The following ZNF527 variants were observed in gnomAD, a reference collection of about 807,000 sequenced individuals.
ZNF527 encodes the protein zinc finger protein 527.
Under a neutral mutation model 13.5 loss-of-function variants are expected in ZNF527, and 5 were observed. The ratio of observed to expected loss-of-function variants is 0.37; its 90% confidence interval spans 0.19 to 0.78. ZNF527 has a LOEUF of 0.78. Ranked by LOEUF, ZNF527 falls within the 30% of genes least tolerant of loss-of-function variation. The pLI, the probability that ZNF527 is intolerant of heterozygous loss-of-function variation, is 0.48. For missense variants in ZNF527, 628 were observed against 726.4 expected, an observed-to-expected ratio of 0.86 and a Z score of 1.56; for synonymous variants, 209 against 243.1, an observed-to-expected ratio of 0.86 and a Z score of 1.30.
intron 4 of ZNF527, among the ~76,000 whole-genome samples, chr19:37,383,917 G>T (rs1347505382): frequency 6.6e-6 from 1 of 152,058 alleles, no homozygotes; most frequent in Non-Finnish European, 1.5e-5. Flanking sequence ...AAACCAATCT[G>T]ATTTTCTTTT....
Position 37,388,877 on chromosome 19 carries a change from C to T in ZNF527, c.828C>T (p.Tyr276=), listed in dbSNP as rs747104874. Residue 276 remains tyrosine, a synonymous_variant, in exon 5 of 5, where the codon TAC becomes TAT. Transcript: ENST00000436120. ...TTHFGKLPHG[Y]DECGDAFSCY... ...ATTTTGGAAAATTACCCCATGGATA[C>T]GATGAATGTGGTGATGCCTTTAGCT... 1.7e-5 allele frequency: 28 copies of T among 1,614,026 alleles called. No homozygotes were observed. Among genetic ancestry groups the T allele is most frequent in the Admixed American group, 1.2e-4 (7 of 60,004 alleles).
chr19:37,391,616 T>C lies in ZNF527; in HGVS notation c.*1737T>C, dbSNP rs1018259251. 2.6e-5 allele frequency: 4 copies of C among 150,972 alleles called. No individual in the cohort carries two copies. The highest frequency in any genetic ancestry group is 4.4e-5 in the Non-Finnish European group (3 of 67,714). The allele number at this position is 150,972 out of a possible 1,614,324, so 9.4% of individuals were successfully genotyped here. A position where few individuals can be genotyped will look rare whatever the true frequency, so the allele number is the denominator to read the frequency against. ...ATAAATAAATAAATAAATAAATAAA[T>C]TTGGTTTAAGAAGTGTATGGATAAC... On this transcript the variant is annotated 3_prime_UTR_variant, in exon 5 of 5. Coordinates refer to ENST00000436120, the MANE Select transcript of ZNF527 (RefSeq NM_032453.2).
chr19:37,371,355 C>A (rs2040554642), intron 1 of ZNF527, 129 bp downstream of exon 1: 1 of 152,310 alleles, frequency 6.6e-6, no homozygotes, highest in Non-Finnish European at 1.5e-5. Flanking sequence ...GTATTACCAA[C>A]TATGTGACAG....
chr19:37,372,696 T>C (rs1285252863), intron 1 of ZNF527, among the ~76,000 whole-genome samples: 3 of 151,780 alleles, frequency 2.0e-5, no homozygotes, highest in Non-Finnish European at 4.4e-5. Context: ...TGGTCTTGAA[T>C]TCCTAGTCTC....
intron 4 of ZNF527, among the ~76,000 whole-genome samples, chr19:37,386,140 C>T (rs138933051): frequency 1.0e-3 from 75 of 72,450 alleles, no homozygotes; most frequent in African/African-American, 3.1e-3. Context: ...TCTTCTTTTC[C>T]TTTTTTTTTT....
At chr19:37,383,071 T>C (rs564268469) in intron 4 of ZNF527, among the ~76,000 whole-genome samples, 6 of 152,324 alleles carry the variant, frequency 3.9e-5, no homozygotes, top group African/African-American at 1.4e-4. Context: ...GCTTAGTTTT[T>C]TTCCTGCTGT....
chr19:37,385,401 T>C (rs1254199985), intron 4 of ZNF527: 1 of 398,758 alleles, frequency 2.5e-6, no homozygotes, highest in African/African-American at 2.1e-5. Flanking sequence ...TCTCTTGATA[T>C]TTTTTTCATG....
rs2040721753 is a variant in ZNF527 at position 37,388,724 on chromosome 19, A to G, written c.675A>G (p.Glu225=). ...AATCTTTGATAGGTAATGAATGTGA[A>G]GAATTCAACCAGAGTACGTACCTTA... ...EKESLIGNEC[E]EFNQSTYLSK... Residue 225 remains glutamate (E), a synonymous_variant, in exon 5 of 5, where the codon GAA becomes GAG. Transcript: ENST00000436120. The G allele has an allele frequency of 1.2e-6, 2 of 1,612,270 alleles. No individual in the cohort carries two copies. Among genetic ancestry groups the G allele is most frequent in the Non-Finnish European group, 8.5e-7 (1 of 1,179,532 alleles).
intron 2 of ZNF527, among the ~76,000 whole-genome samples, chr19:37,374,665 G>A (rs2146804044): frequency 6.6e-6 from 1 of 152,328 alleles, no homozygotes; most frequent in African/African-American, 2.4e-5. Flanking sequence ...CATGTTTGGT[G>A]TATTCCAGGA....
At chr19:37,382,008 C>T (rs1466534293) in intron 4 of ZNF527, among the ~76,000 whole-genome samples, 1 of 151,924 alleles carries the variant, frequency 6.6e-6, no homozygotes, top group East Asian at 1.9e-4. Flanking sequence ...CAAATCGTTC[C>T]AGCTTTGAAT....
In ZNF527 at chr19:37,389,272, A is replaced by T; in HGVS notation, c.1223A>T (p.His408Leu). The T allele has an allele frequency of 6.2e-7, 1 of 1,614,228 alleles. No individual in the cohort carries two copies. Among genetic ancestry groups the T allele is most frequent in the Non-Finnish European group, 8.5e-7 (1 of 1,180,044 alleles). ...SAHLNQHQRI[H>L]TGEKPYECNQ... Reference sequence around the variant, plus strand: ...CACCTTAATCAACATCAGAGGATTCACACTGGAGAGAAACCCTATGAATGT... The same window carrying T: ...CACCTTAATCAACATCAGAGGATTCTCACTGGAGAGAAACCCTATGAATGT... The change falls in exon 5 of 5, where the codon CAC becomes CTC. Residue 408 changes from histidine to leucine, a missense_variant. Coordinates refer to ENST00000436120, the MANE Select transcript of ZNF527 (RefSeq NM_032453.2).
chr19:37,385,502 G>A, intron 4 of ZNF527: 1 of 395,884 alleles, frequency 2.5e-6, no homozygotes, highest in Non-Finnish European at 4.4e-6. Flanking sequence ...TAAAATGCAA[G>A]GGCTTAGGTC....
chr19:37,372,107 C>T (rs2146801180), intron 1 of ZNF527, among the ~76,000 whole-genome samples: 1 of 150,800 alleles, frequency 6.6e-6, no homozygotes, highest in Non-Finnish European at 1.5e-5. Context: ...TCAAGTGATT[C>T]TCCTGCCTCA....
chr19:37,387,440 G>A (rs966409883), intron 4 of ZNF527, among the ~76,000 whole-genome samples: 2 of 152,104 alleles, frequency 1.3e-5, no homozygotes, highest in African/African-American at 2.4e-5. Context: ...GCACAGGCTT[G>A]AGCTCTCAGA....
intron 4 of ZNF527, among the ~76,000 whole-genome samples, chr19:37,381,968 G>T (rs1222722122): frequency 2.0e-5 from 3 of 151,876 alleles, no homozygotes; most frequent in Non-Finnish European, 2.9e-5. Context: ...TTATTTCTAT[G>T]AAGTAAATCC....
intron 3 of ZNF527, chr19:37,379,621 C>G (rs1204061303): frequency 2.5e-5 from 4 of 156,898 alleles, no homozygotes; most frequent in Non-Finnish European, 5.6e-5. Flanking sequence ...CACCACCACA[C>G]CCAGCTAATT....
chr19:37,372,702 G>A (rs948842694), intron 1 of ZNF527, among the ~76,000 whole-genome samples: 1 of 151,680 alleles, frequency 6.6e-6, no homozygotes, highest in African/African-American at 2.4e-5. Flanking sequence ...TGAATTCCTA[G>A]TCTCAAGTGA....
intron 2 of ZNF527, among the ~76,000 whole-genome samples, chr19:37,375,253 T>C (rs1218165756): frequency 1.0e-5 from 1 of 98,776 alleles, no homozygotes; most frequent in Non-Finnish European, 2.0e-5. Flanking sequence ...TTTCTTTCTT[T>C]CTTTCTTTCT....
intron 1 of ZNF527, among the ~76,000 whole-genome samples, chr19:37,372,529 G>A (rs887977017): frequency 2.8e-4 from 36 of 126,856 alleles, no homozygotes; most frequent in Non-Finnish European, 3.3e-4. Context: ...CTAGAGTGCA[G>A]TGGTGCAATC....
Sources: gnomAD v4.1 joint callset for allele counts (sites outside exome capture counted in the v4.1 genomes callset) on GRCh38, gnomAD v4.1.1 for gene constraint, MANE v1.5 for transcripts, NCBI Gene and HGNC (gene_info 2026-07-23, HGNC 2026-07-21) for gene names.